ZNF544: variants seen among roughly 807,000 people sequenced by gnomAD.
ZNF544 encodes zinc finger protein 544.
In ZNF544, 10 loss-of-function variants were observed where a neutral mutation model predicts 13.5. The observed-to-expected ratio is 0.74, with a 90% confidence interval of 0.46 to 1.25. ZNF544 has a LOEUF of 1.25. Ranked by LOEUF, ZNF544 falls within the 50% of genes most tolerant of loss-of-function variation. The pLI is 0.00. For synonymous variants in ZNF544, 323 were observed against 300.5 expected (o/e 1.07, Z -0.77); for missense variants, 896 against 845.6 (o/e 1.06, Z -0.74).
intron 4 of ZNF544, 66 bp from the exon 5 acceptor site, chr19:58,246,235 A>G (rs1448305613): frequency 6.2e-7 from 1 of 1,608,358 alleles, no homozygotes; most frequent in Non-Finnish European, 8.5e-7. Context: ...TTTAGGCCTT[A>G]ACAGGTACCT....
intron 3 of ZNF544, among the ~76,000 whole-genome samples, chr19:58,242,041 A>T (rs1175754372): frequency 6.6e-6 from 1 of 152,120 alleles, no homozygotes; most frequent in Non-Finnish European, 1.5e-5. Flanking sequence ...GCTCATGCCT[A>T]GAGGGGAGAG....
chr19:58,263,826 G>A (rs187760), downstream of ZNF544: 81,030 of 153,180 alleles, frequency 0.53, 21,732 homozygotes, highest in Middle Eastern at 0.64. Flanking sequence ...CGGGCACGGT[G>A]CCTCACACCT....
intron 3 of ZNF544, among the ~76,000 whole-genome samples, chr19:58,237,837 G>A (rs748085414): frequency 1.3e-5 from 2 of 152,238 alleles, no homozygotes; most frequent in African/African-American, 2.4e-5. Context: ...GGAGCCACCC[G>A]AGGATAGAGA....
chr19:58,237,873 G>A (rs184788620), intron 3 of ZNF544, among the ~76,000 whole-genome samples: 2 of 152,340 alleles, frequency 1.3e-5, no homozygotes, highest in East Asian at 1.9e-4. Context: ...CTGGAGGTGG[G>A]GTGTTGTGGG....
chr19:58,229,304 ACTGGGTGGG>A (rs2040665102), intron 1 of ZNF544, 155 bp from the exon 2 acceptor site: 1 of 69,152 alleles, frequency 1.4e-5, no homozygotes, highest in Admixed American at 1.8e-4. Flanking sequence ...ACTGGGTGGG[ACTGGGTGGG>A]ACTGGGTGGG....
At chr19:58,277,065 G>C in intron 6 of ZNF544, 4 of 582,854 alleles carry the variant, frequency 6.9e-6, no homozygotes, top group Non-Finnish European at 1.0e-5. Context: ...GTGGCATTTA[G>C]CCTAAGTGAC....
At chr19:58,247,899 C>T (rs976994126) in intron 6 of ZNF544, among the ~76,000 whole-genome samples, 15 of 151,956 alleles carry the variant, frequency 9.9e-5, no homozygotes, top group Non-Finnish European at 1.8e-4. Context: ...TTACAATCGG[C>T]AAACCTATCT....
downstream of ZNF544, among the ~76,000 whole-genome samples, chr19:58,265,459 C>CT (rs1255730578): frequency 1.3e-5 from 2 of 152,024 alleles, no homozygotes; most frequent in African/African-American, 4.8e-5. Flanking sequence ...CCACGTCTGT[C>CT]TAATTTTTTG....
At chr19:58,249,523 C>G (rs1263377658) in intron 6 of ZNF544, among the ~76,000 whole-genome samples, 2 of 152,108 alleles carry the variant, frequency 1.3e-5, no homozygotes, top group Non-Finnish European at 2.9e-5. Flanking sequence ...CAAGTATAGT[C>G]ATTACTAATG....
downstream of ZNF544, among the ~76,000 whole-genome samples, chr19:58,265,880 C>A (rs1018392950): frequency 6.6e-6 from 1 of 151,728 alleles, no homozygotes; most frequent in African/African-American, 2.4e-5. Context: ...AGCCATAGTG[C>A]ATACTATTAC....
chr19:58,246,994 G>A (rs1409716090), intron 6 of ZNF544, among the ~76,000 whole-genome samples, 200 bp downstream of exon 6: 1 of 152,148 alleles, frequency 6.6e-6, no homozygotes, highest in African/African-American at 2.4e-5. Flanking sequence ...CCCTGAGTGT[G>A]GAACCCTCAC....
downstream of ZNF544, among the ~76,000 whole-genome samples, chr19:58,266,211 T>TAAAAA (rs1568510647): frequency 7.2e-5 from 1 of 13,856 alleles, no homozygotes; most frequent in Non-Finnish European, 1.5e-4. Context: ...AGACTCTGTC[T>TAAAAA]CAAAAAAAAA....
chr19:58,273,595 C>A (rs1166537225), intron 5 of ZNF544, among the ~76,000 whole-genome samples: 1 of 149,624 alleles, frequency 6.7e-6, no homozygotes, highest in Non-Finnish European at 1.5e-5. Context: ...GAGGATGAGG[C>A]AGGAGAATCG....
chr19:58,247,225 A>G (rs1427426283), intron 6 of ZNF544: 3 of 153,602 alleles, frequency 2.0e-5, no homozygotes, highest in Admixed American at 1.9e-4. Flanking sequence ...AGCTTGGACT[A>G]CAGGTGCACA....
At chr19:58,237,924 C>T (rs368040698) in intron 3 of ZNF544, among the ~76,000 whole-genome samples, 5 of 152,188 alleles carry the variant, frequency 3.3e-5, no homozygotes, top group East Asian at 1.9e-4. Context: ...TGACAGACGT[C>T]ACAAGGTCTG....
At chr19:58,272,774 G>A (rs1300938395) in intron 5 of ZNF544, among the ~76,000 whole-genome samples, 1 of 151,128 alleles carries the variant, frequency 6.6e-6, no homozygotes, top group Non-Finnish European at 1.5e-5. Flanking sequence ...GGCTGAGGCA[G>A]GAGAATTGCT....
chr19:58,237,464 G>A (rs1239741318), intron 3 of ZNF544, among the ~76,000 whole-genome samples: 1 of 152,224 alleles, frequency 6.6e-6, no homozygotes, highest in East Asian at 1.9e-4. Context: ...GGCAGCCTCT[G>A]CGAGTGCTGT....
At chr19:58,234,305 T>C (rs894222870) in intron 3 of ZNF544, among the ~76,000 whole-genome samples, 2 of 152,264 alleles carry the variant, frequency 1.3e-5, no homozygotes, top group African/African-American at 2.4e-5. Flanking sequence ...TGCCTGTGCA[T>C]TGGGGTGCCT....
At chr19:58,236,367 G>A (rs969984616) in intron 3 of ZNF544, among the ~76,000 whole-genome samples, 5 of 150,594 alleles carry the variant, frequency 3.3e-5, no homozygotes, top group Admixed American at 6.6e-5. Flanking sequence ...GGGTGGTGGC[G>A]CATACCTGTA....
Sources: allele counts gnomAD v4.1 joint callset (sites outside exome capture counted in the v4.1 genomes callset), GRCh38; gene constraint gnomAD v4.1.1; transcripts MANE v1.5; gene names NCBI Gene and HGNC (gene_info 2026-07-23, HGNC 2026-07-21).